CDH4: variants seen among roughly 807,000 people sequenced by gnomAD.
CDH4 encodes cadherin-4.
A neutral mutation model predicts 86.0 loss-of-function variants in CDH4; 33 were observed. The observed-to-expected ratio is 0.38, with a 90% CI of 0.29 to 0.51. The LOEUF (loss-of-function observed/expected upper bound fraction) is 0.51. Among genes scored for constraint, CDH4 ranks in the 20% least tolerant of loss-of-function variants. The pLI is 0.86. For missense variants in CDH4, 1,114 were observed against 1,307.4 expected, an observed-to-expected ratio of 0.85 and a Z score of 2.28; for synonymous variants, 555 against 549.4, an observed-to-expected ratio of 1.01 and a Z score of -0.14.
intron 2 of CDH4, among the ~76,000 whole-genome samples, chr20:61,736,632 GAGGA>G (rs943426031): frequency 2.0e-5 from 3 of 149,032 alleles, no homozygotes; most frequent in Admixed American, 6.8e-5. Context: ...GGGAGGGAGG[GAGGA>G]AGGAAGGAAG....
chr20:61,732,318 C>G (rs543705081), intron 2 of CDH4, among the ~76,000 whole-genome samples: 1 of 152,250 alleles, frequency 6.6e-6, no homozygotes, highest in Admixed American at 6.5e-5. Flanking sequence ...GGAAAAGGAG[C>G]TTTTGGAGTT....
intron 2 of CDH4, among the ~76,000 whole-genome samples, chr20:61,669,657 A>G (rs996018729): frequency 1.3e-5 from 2 of 152,182 alleles, no homozygotes; most frequent in African/African-American, 2.4e-5. Flanking sequence ...CTGAAAGTCA[A>G]ATCTACCACT....
intron 4 of CDH4, among the ~76,000 whole-genome samples, chr20:61,798,743 CG>C (rs1180236203): frequency 6.6e-6 from 1 of 152,218 alleles, no homozygotes; most frequent in East Asian, 1.9e-4. Context: ...AGGAGAGGGC[CG>C]GGCCGGCAGG....
At chr20:61,564,918 G>T (rs1173556929) in intron 2 of CDH4, among the ~76,000 whole-genome samples, 1 of 152,138 alleles carries the variant, frequency 6.6e-6, no homozygotes, top group Non-Finnish European at 1.5e-5. Flanking sequence ...CTTGGTTTTC[G>T]TACTGAGCCT....
Position 61,269,149 on chromosome 20 carries a change from C to T in CDH4, c.169+14212C>T, listed in dbSNP as rs919959907. 3.3e-5 allele frequency among the ~76,000 whole-genome samples: 5 copies of T among 152,182 alleles called. No homozygotes were observed. Among genetic ancestry groups the T allele is most frequent in the African/African-American group, 9.7e-5 (4 of 41,440 alleles). Reference sequence around the variant, plus strand: ...GCCCTCCCCATGCCGGGTGCTGCACCGTACCAGCTGGGTTCATCTGCATGA... The same window carrying T: ...GCCCTCCCCATGCCGGGTGCTGCACTGTACCAGCTGGGTTCATCTGCATGA... On this transcript the variant is annotated intron_variant, in intron 2 of 15. Coordinates refer to ENST00000614565, the MANE Select transcript of CDH4 (RefSeq NM_001794.5). The surrounding 1 kb of genome is among the most constrained non-coding windows in gnomAD (Gnocchi z 5.3).
chr20:61,712,742 C>G (rs1378920422), intron 2 of CDH4, among the ~76,000 whole-genome samples: 2 of 152,180 alleles, frequency 1.3e-5, no homozygotes, highest in African/African-American at 4.8e-5. Context: ...GCTGGGAATT[C>G]AGAGGGGCAG....
chr20:61,255,849 C>T (rs999028821), intron 2 of CDH4, among the ~76,000 whole-genome samples: 4 of 152,164 alleles, frequency 2.6e-5, no homozygotes, highest in African/African-American at 9.7e-5. Context: ...AGTGATTTTT[C>T]AGATCCTCGC....
rs1473467180 is a variant in CDH4 at position 61,810,810 on chromosome 20, T to G, written c.577-33858T>G. 4.2e-4 allele frequency among the ~76,000 whole-genome samples: 64 copies of G among 152,242 alleles called. No homozygotes were observed. Among genetic ancestry groups the G allele is most frequent in the Non-Finnish European group, 5.9e-5 (4 of 68,016 alleles). On this transcript the variant is annotated intron_variant, in intron 4 of 15. Transcript: ENST00000614565. This position sits in a 1 kb window ranked among gnomAD's most constrained non-coding sequence, Gnocchi z 4.3. Reference sequence around the variant, plus strand: ...CTGGGACCCCCAGATGCCTCGGTGGTCACTTCTCCAGTCTCAGCTGCTCAA... The same window carrying G: ...CTGGGACCCCCAGATGCCTCGGTGGGCACTTCTCCAGTCTCAGCTGCTCAA...
intron 2 of CDH4, among the ~76,000 whole-genome samples, chr20:61,644,914 C>T (rs950030518): frequency 9.8e-5 from 15 of 152,328 alleles, no homozygotes; most frequent in East Asian, 3.9e-4. Context: ...GTCGCTGAGT[C>T]GTGCGGCCTG....
chr20:61,677,181 G>A (rs1262399302), intron 2 of CDH4, among the ~76,000 whole-genome samples: 3 of 152,200 alleles, frequency 2.0e-5, no homozygotes, highest in Non-Finnish European at 2.9e-5. Context: ...CCCCAGGGTG[G>A]AGCTGGCTGG....
At chr20:61,872,272 C>T (rs1411190649) in intron 6 of CDH4, among the ~76,000 whole-genome samples, 1 of 152,150 alleles carries the variant, frequency 6.6e-6, no homozygotes, top group African/African-American at 2.4e-5. Context: ...AATAAGTAGA[C>T]ACACAGCTGT....
intron 2 of CDH4, among the ~76,000 whole-genome samples, chr20:61,713,723 C>T (rs1351087173): frequency 3.9e-5 from 6 of 152,350 alleles, no homozygotes; most frequent in South Asian, 4.1e-4. Context: ...ATGTGAGCAG[C>T]GAGGGAGGGG....
chr20:61,536,654 G>A (rs935766379), intron 2 of CDH4, among the ~76,000 whole-genome samples: 4 of 152,188 alleles, frequency 2.6e-5, no homozygotes, highest in East Asian at 1.9e-4. Flanking sequence ...TTTAATTAGC[G>A]TGTCTGACCG....
At chr20:61,335,558 A>G (rs1275797410) in intron 2 of CDH4, among the ~76,000 whole-genome samples, 1 of 152,198 alleles carries the variant, frequency 6.6e-6, no homozygotes, top group Non-Finnish European at 1.5e-5. Flanking sequence ...TAATAAGAGA[A>G]CTAACACATT....
chr20:61,520,589 C>T (rs1419617807), intron 2 of CDH4, among the ~76,000 whole-genome samples: 1 of 152,152 alleles, frequency 6.6e-6, no homozygotes, highest in Non-Finnish European at 1.5e-5. Context: ...CTGACCAGGC[C>T]CTGCCTATGG....
At chr20:61,502,505 C>T (rs977953187) in intron 2 of CDH4, among the ~76,000 whole-genome samples, 13 of 152,088 alleles carry the variant, frequency 8.5e-5, no homozygotes, top group African/African-American at 2.7e-4. Flanking sequence ...ATTATTTTTC[C>T]AGCTCATTGA....
chr20:61,685,506 G>A (rs145556902), intron 2 of CDH4, among the ~76,000 whole-genome samples: 16 of 152,306 alleles, frequency 1.1e-4, no homozygotes, highest in African/African-American at 2.9e-4. Flanking sequence ...CATCAGTCCC[G>A]TCTCTCCCCT....
intron 2 of CDH4, among the ~76,000 whole-genome samples, chr20:61,504,348 G>GT (rs916728362): frequency 8.5e-5 from 13 of 152,190 alleles, no homozygotes; most frequent in African/African-American, 3.1e-4. Context: ...TCGGATTGTG[G>GT]TTTTTTTCTC....
chr20:61,460,789 C>T (rs994681007), intron 2 of CDH4, among the ~76,000 whole-genome samples: 1 of 152,206 alleles, frequency 6.6e-6, no homozygotes, highest in African/African-American at 2.4e-5. Context: ...CAGCAGGCCT[C>T]TCGAGAGCTG....
Sources: allele counts gnomAD v4.1 joint callset (sites outside exome capture counted in the v4.1 genomes callset), GRCh38; gene constraint gnomAD v4.1.1; non-coding constraint Gnocchi (gnomAD v3.1); transcripts MANE v1.5; gene names NCBI Gene and HGNC (gene_info 2026-07-23, HGNC 2026-07-21).